The following TUT7 variants were observed in gnomAD, a reference collection of about 807,000 sequenced individuals.
TUT7 encodes the protein terminal uridylyl transferase 7.
A neutral mutation model predicts 165.9 loss-of-function variants in TUT7; 33 were observed. The ratio of observed to expected loss-of-function variants is 0.20; its 90% CI spans 0.15 to 0.27. The LOEUF (loss-of-function observed/expected upper bound fraction) is 0.27. Among genes scored for constraint, TUT7 ranks in the 10% least tolerant of loss-of-function variants. The pLI, the probability that TUT7 is intolerant of heterozygous loss-of-function variation, is 1.00. For synonymous variants in TUT7, 552 were observed against 608.1 expected (o/e 0.91, Z 1.36); for missense variants, 1,338 against 1,762.3 (o/e 0.76, Z 4.31).
chr9:86,334,309 T>G (rs1260264170), intron 10 of TUT7, among the ~76,000 whole-genome samples: 6 of 152,174 alleles, frequency 3.9e-5, no homozygotes, highest in African/African-American at 1.4e-4. Context: ...TTTTCTCAGG[T>G]CTTTACCCTC....
chr9:86,309,474 C>T lies in TUT7; in HGVS notation c.3571G>A (p.Val1191Ile). The T allele has an allele frequency of 6.2e-7, 1 of 1,609,804 alleles. No homozygotes were observed. The highest frequency in any genetic ancestry group is 8.5e-7 in the Non-Finnish European group (1 of 1,177,950). ...TCATTCACTAATACCTCTTGAAGGACAGGAATGACTGGTGGATTCCTCTGC... is the reference window on the plus strand; with the variant it reads ...TCATTCACTAATACCTCTTGAAGGATAGGAATGACTGGTGGATTCCTCTGC... Reference protein sequence around the residue: ...LQQRNPPVIPVLQEIYKGEKK... With the variant: ...LQQRNPPVIPILQEIYKGEKK... Residue 1191 changes from valine to isoleucine, a missense_variant, in exon 20 of 27, where the codon GTC becomes ATC. By Grantham distance (29) the Val-to-Ile change is conservative. Around this residue, in one of 7 missense-constraint regions of TUT7, gnomAD observed 157 missense variants for 357.5 expected, o/e 0.44. Transcript: ENST00000375963.
At position 86,329,683 on chromosome 9, in the gene TUT7, A is replaced by G. The variant is rs116249921; in HGVS notation, c.1456-1191T>C. Reference sequence around the variant, plus strand: ...GAGAGTGATCCTTCTAAAACAGAAGACACACTCTCCTGTTCATAGTGGTTT... The same window carrying G: ...GAGAGTGATCCTTCTAAAACAGAAGGCACACTCTCCTGTTCATAGTGGTTT... On this transcript the variant is annotated intron_variant, in intron 10 of 26. Transcript: ENST00000375963. 7.9e-3 allele frequency among the ~76,000 whole-genome samples: 1,210 copies of G among 152,282 alleles called. 16 individuals carry two copies. The highest frequency in any genetic ancestry group is 0.027 in the African/African-American group (1,122 of 41,550).
At position 86,325,512 on chromosome 9, in the gene TUT7, C is replaced by T. The variant is rs749664961; in HGVS notation, c.1611G>A (p.Val537=). Reference sequence around the variant, plus strand: ...GGTGTTTCACATCCAATATTAATGACACCTATTAATAGCAAAGAGAAACAT... The same window carrying T: ...GGTGTTTCACATCCAATATTAATGATACCTATTAATAGCAAAGAGAAACAT... ...PRETPIKRGQ[V]SLILDVKHQP... Residue 537 remains valine (V), a splice_region_variant and synonymous_variant, in exon 12 of 27, where the codon GTG becomes GTA. Coordinates refer to ENST00000375963, the MANE Select transcript of TUT7 (RefSeq NM_024617.4). 1.1e-5 allele frequency: 18 copies of T among 1,610,916 alleles called. No individual in the cohort carries two copies.
At chr9:86,298,002 G>A (rs2131284622) in intron 26 of TUT7, among the ~76,000 whole-genome samples, 2 of 142,734 alleles carry the variant, frequency 1.4e-5, no homozygotes, top group Middle Eastern at 3.8e-3. Flanking sequence ...CAGTGATGCT[G>A]CAGGACAACA....
chr9:86,349,258 G>A (rs901277972), intron 2 of TUT7, among the ~76,000 whole-genome samples: 25 of 150,058 alleles, frequency 1.7e-4, no homozygotes, highest in African/African-American at 5.7e-4. Context: ...CAGCCTGGGC[G>A]ACAAGAGTGA....
chr9:86,298,321 G>A (rs141797528), intron 26 of TUT7, among the ~76,000 whole-genome samples: 1 of 152,190 alleles, frequency 6.6e-6, no homozygotes, highest in African/African-American at 2.4e-5. Flanking sequence ...AAAGGGAGGG[G>A]AGAGGCTGGA....
At chr9:86,334,451 AT>A (rs1428132704) in intron 10 of TUT7, among the ~76,000 whole-genome samples, 1 of 151,862 alleles carries the variant, frequency 6.6e-6, no homozygotes, top group Non-Finnish European at 1.5e-5. Context: ...TACACTTTAA[AT>A]TTTTCTACCC....
At chr9:86,294,563 G>A (rs1337538736) in intron 26 of TUT7, among the ~76,000 whole-genome samples, 6 of 136,782 alleles carry the variant, frequency 4.4e-5, no homozygotes, top group African/African-American at 1.5e-4. Context: ...AGAATATTGG[G>A]GTTTTTCCAT....
At chr9:86,332,276 G>A (rs905082373) in intron 10 of TUT7, among the ~76,000 whole-genome samples, 2 of 152,118 alleles carry the variant, frequency 1.3e-5, no homozygotes, top group South Asian at 2.1e-4. Flanking sequence ...TAGCAAAGAC[G>A]TGGAATCAAC....
intron 20 of TUT7, 76 bp from the exon 21 acceptor site, chr9:86,309,365 T>TA (rs138897194): frequency 2.0e-5 from 29 of 1,422,192 alleles, no homozygotes; most frequent in Non-Finnish European, 2.7e-5. Context: ...GGAAAATAGG[T>TA]AAAAAATTAA....
intron 6 of TUT7, 104 bp downstream of exon 6, chr9:86,342,971 T>C: frequency 1.2e-6 from 1 of 823,924 alleles, no homozygotes; most frequent in Non-Finnish European, 1.9e-6. Flanking sequence ...TCATTACACT[T>C]AAAATATCTT....
chr9:86,305,287 C>T (rs1827361254), intron 22 of TUT7, 48 bp from the exon 23 acceptor site: 4 of 1,258,722 alleles, frequency 3.2e-6, no homozygotes, highest in South Asian at 1.4e-5. Flanking sequence ...ATAGAAAATG[C>T]CACCATTCAT....
At chr9:86,333,778 T>C (rs1830527302) in intron 10 of TUT7, among the ~76,000 whole-genome samples, 1 of 152,194 alleles carries the variant, frequency 6.6e-6, no homozygotes, top group African/African-American at 2.4e-5. Flanking sequence ...CTTTGTAATT[T>C]TTTGTTGAAA....
chr9:86,319,681 A>G lies in TUT7; in HGVS notation c.3029-11T>C, dbSNP rs143260690. The G allele has an allele frequency of 2.1e-4, 330 of 1,552,222 alleles. 2 individuals carry two copies. In the African/African-American group the frequency reaches 3.9e-3, roughly 18 times the overall value. On this transcript the variant is annotated splice_polypyrimidine_tract_variant and intron_variant, in intron 14 of 26. Coordinates refer to ENST00000375963, the MANE Select transcript of TUT7 (RefSeq NM_024617.4). ...TTGGAGAAAAATCCTCTGTTTAAAA[A>G]TAAATAGACATATTGACAAAATAAG...
Position 86,319,711 on chromosome 9 carries a change from T to C in TUT7, c.3029-41A>G, listed in dbSNP as rs778758046. On this transcript the variant is annotated intron_variant, in intron 14 of 26. Transcript: ENST00000375963. ...TAGACATATTGACAAAATAAGCCGGTTGACACTCTTAGAAAAAGCTGAAAA... is the reference window on the plus strand; with the variant it reads ...TAGACATATTGACAAAATAAGCCGGCTGACACTCTTAGAAAAAGCTGAAAA... The C allele has an allele frequency of 2.1e-5, 27 of 1,288,832 alleles. 2 individuals are homozygous for C. The Middle Eastern group carries it at 1.0e-3, about 48-fold the overall frequency. 79.8% of individuals were successfully genotyped at this position (1,288,832 alleles called of 1,614,324 possible).
intron 17 of TUT7, among the ~76,000 whole-genome samples, chr9:86,313,045 A>T (rs1828353694): frequency 6.6e-6 from 1 of 152,038 alleles, no homozygotes; most frequent in Admixed American, 6.6e-5. Context: ...TGACCAGATA[A>T]ACAAGTTTAT....
intron 10 of TUT7, among the ~76,000 whole-genome samples, chr9:86,335,439 AG>A (rs1830675982): frequency 6.6e-6 from 1 of 152,194 alleles, no homozygotes; most frequent in African/African-American, 2.4e-5. Flanking sequence ...AAGGTTGGAG[AG>A]GGTTGGAGTC....
At chr9:86,350,224 A>G (rs1410150723) in intron 2 of TUT7, among the ~76,000 whole-genome samples, 1 of 152,154 alleles carries the variant, frequency 6.6e-6, no homozygotes, top group African/African-American at 2.4e-5. Flanking sequence ...CCAGCCACTC[A>G]GGAGGCTGAG....
In TUT7 at chr9:86,345,797, A is replaced by G. The variant is rs761502388; in HGVS notation, c.703-12T>C. On this transcript the variant is annotated splice_polypyrimidine_tract_variant and intron_variant, in intron 3 of 26. Transcript: ENST00000375963. Reference sequence around the variant, plus strand: ...TAGTTTCGTGGTCGCTATAATTTGAAGAGATTTATTTAGAGAGAGACATAA... The same window carrying G: ...TAGTTTCGTGGTCGCTATAATTTGAGGAGATTTATTTAGAGAGAGACATAA... 20 of 1,568,758 alleles carry G rather than the reference A, an allele frequency of 1.3e-5. No homozygotes were observed. Among genetic ancestry groups the G allele is most frequent in the Non-Finnish European group, 1.7e-5 (20 of 1,143,728 alleles).
Sources: gnomAD v4.1 joint callset for allele counts (sites outside exome capture counted in the v4.1 genomes callset) on GRCh38, gnomAD v4.1.1 for gene constraint, gnomAD v4.1.1 regional missense constraint, MANE v1.5 for transcripts, NCBI Gene and HGNC (gene_info 2026-07-23, HGNC 2026-07-21) for gene names.